ECEL1: variants seen among roughly 807,000 people sequenced by gnomAD.
ECEL1 encodes endothelin-converting enzyme-like 1.
Under a neutral mutation model 101.8 loss-of-function variants are expected in ECEL1, and 87 were observed. The observed-to-expected ratio is 0.85, with a 90% CI of 0.72 to 1.02. ECEL1 has a LOEUF of 1.02. Among genes scored for constraint, ECEL1 ranks in the 50% least tolerant of loss-of-function variants. The pLI is 0.00. For synonymous variants in ECEL1, 487 were observed against 468.7 expected (o/e 1.04, Z -0.50); for missense variants, 1,032 against 1,079.2 (o/e 0.96, Z 0.61).
Position 232,480,195 on chromosome 2 carries a change from C to A in ECEL1, c.2286G>T (p.Lys762Asn), listed in dbSNP as rs939661409. 6.8e-6 allele frequency: 11 copies of A among 1,613,926 alleles called. No individual in the cohort carries two copies. The highest frequency in any genetic ancestry group is 1.3e-5 in the African/African-American group (1 of 74,908). ...EEFGRAFHCP[K>N]DSPMNPAHKC... is the part of the protein sequence containing the mutation. Reference sequence around the variant, plus strand: ...TGTGGGCAGGGTTCATGGGTGAGTCCTTGGGACAGTGGAAAGCCCGGCCAA... The same window carrying A: ...TGTGGGCAGGGTTCATGGGTGAGTCATTGGGACAGTGGAAAGCCCGGCCAA... The change falls in exon 18 of 18, where the codon AAG (lysine) becomes AAT (asparagine). Residue 762 changes from lysine (K) to asparagine (N), a missense_variant. Lys to Asn is a moderately conservative substitution (Grantham distance 94, BLOSUM62 0). Coordinates refer to ENST00000304546, the MANE Select transcript of ECEL1 (RefSeq NM_004826.4).
rs767234051 is a variant in ECEL1 at position 232,483,999 on chromosome 2, A to C, written c.1407+2T>G. On this transcript the variant is annotated splice_donor_variant, in intron 7 of 17. Transcript: ENST00000304546. LOFTEE classifies it high-confidence loss of function. ...CTCCTCTCTCAAACAAGGGCAACCC[A>C]CCTTGGCTTTGCTGGCAGCTGAGAA... is the stretch of plus-strand genomic sequence containing the variant. 9 of 1,600,030 alleles carry C rather than the reference A, an allele frequency of 5.6e-6. No homozygotes were observed. The African/African-American group carries it at 1.2e-4, about 21-fold the overall frequency.
At position 232,483,523 on chromosome 2, in the gene ECEL1, T is replaced by TCAGGGGTCAGGGAG; in HGVS notation, c.1408-23_1408-10dup. 6.3e-7 allele frequency: 1 copy of TCAGGGGTCAGGGAG among 1,596,948 alleles called. No individual in the cohort carries two copies. Among genetic ancestry groups the TCAGGGGTCAGGGAG allele is most frequent in the Non-Finnish European group, 8.5e-7 (1 of 1,174,262 alleles). On this transcript the variant is annotated splice_polypyrimidine_tract_variant and intron_variant, in intron 7 of 17. Coordinates refer to ENST00000304546, the MANE Select transcript of ECEL1 (RefSeq NM_004826.4). The stretch of plus-strand genomic sequence containing the variant: ...TCCACTAGCTGCTGCACCTGCAGGG[T>TCAGGGGTCAGGGAG]CAGGGGTCAGGGAGCAAGGGTCAAC...
chr2:232,485,379 C>A, intron 2 of ECEL1, 112 bp from the exon 3 acceptor site: 1 of 1,227,080 alleles, frequency 8.1e-7, no homozygotes. Context: ...TGAGTACAGC[C>A]ACAGAAGCAC....
Position 232,486,279 on chromosome 2 carries a change from G to A in ECEL1, c.375C>T (p.Asp125=). 6.3e-7 allele frequency: 1 copy of A among 1,599,376 alleles called. No homozygotes were observed. The highest frequency in any genetic ancestry group is 1.1e-5 in the South Asian group (1 of 90,222). Residue 125 remains aspartate, a synonymous_variant, in exon 2 of 18, where the codon GAC becomes GAT. Transcript: ENST00000304546. ...NLDASIDPCQ[D]FYSFACGGWL... ...AACCGCCGCAGGCGAACGAGTAGAA[G>A]TCCTGGCATGGGTCGATGCTGGCGT...
rs182413840 is a variant in ECEL1, at chr2:232,486,934, C to A, written c.-101-180G>T. ...ACCCCCGGGTGCACAGTGGAGTCTTCCCCCCTGTCCCCTCCCTGCACACAC... is the reference window on the plus strand; with the variant it reads ...ACCCCCGGGTGCACAGTGGAGTCTTACCCCCTGTCCCCTCCCTGCACACAC... On this transcript the variant is annotated intron_variant, in intron 1 of 17. Transcript: ENST00000304546. Among the ~76,000 whole-genome samples, 2,229 of 152,220 alleles carry A rather than the reference C, an allele frequency of 0.015. 19 individuals are homozygous for A. Among genetic ancestry groups the A allele is most frequent in the Middle Eastern group, 0.034 (10 of 294 alleles).
At chr2:232,485,385 A>G in intron 2 of ECEL1, 118 bp from the exon 3 acceptor site, 3 of 1,160,734 alleles carry the variant, frequency 2.6e-6, no homozygotes, top group South Asian at 1.4e-5. Flanking sequence ...CAGCCACAGA[A>G]GCACGCAGAC....
intron 12 of ECEL1, 70 bp from the exon 13 acceptor site, chr2:232,481,919 C>A: frequency 6.3e-7 from 1 of 1,597,110 alleles, no homozygotes; most frequent in Non-Finnish European, 8.6e-7. Flanking sequence ...CTGCCCAGGC[C>A]CCAGATGTCC....
Position 232,481,641 on chromosome 2 carries a change from T to G in ECEL1, c.1865-11A>C. The G allele has an allele frequency of 6.2e-7, 1 of 1,613,066 alleles. No individual in the cohort carries two copies. Among genetic ancestry groups the G allele is most frequent in the Non-Finnish European group, 8.5e-7 (1 of 1,179,638 alleles). On this transcript the variant is annotated splice_polypyrimidine_tract_variant and intron_variant, in intron 13 of 17. Transcript: ENST00000304546. Reference sequence around the variant, plus strand: ...GGTCATACTGGCCCCCTGTGGGCAGTGCAGCAGGCTGAGACCCACCCTCAC... The same window carrying G: ...GGTCATACTGGCCCCCTGTGGGCAGGGCAGCAGGCTGAGACCCACCCTCAC...
chr2:232,482,602 C>A lies in ECEL1; in HGVS notation c.1692G>T (p.Leu564=). 6.2e-7 allele frequency: 1 copy of A among 1,611,816 alleles called. No individual in the cohort carries two copies. Among genetic ancestry groups the A allele is most frequent in the Non-Finnish European group, 8.5e-7 (1 of 1,178,968 alleles). The change falls in exon 11 of 18, where the codon CTG becomes CTT. Residue 564 remains leucine (L), a synonymous_variant. Coordinates refer to ENST00000304546, the MANE Select transcript of ECEL1 (RefSeq NM_004826.4). ...IRQEVDKSTW[L]LPPQALNAYY... ...AGGCATTGAGCGCCTGTGGGGGGAG[C>A]AGCCACCTGTGGAGGGATGCTGGGG...
At position 232,479,994 on chromosome 2, in the gene ECEL1, C is replaced by T; in HGVS notation, c.*159G>A. Reference sequence around the variant, plus strand: ...GTCCAGCCTCACCCTGCTCCAGGCCCCTCCTGAAGTGAGGGGCAGCAGGGG... The same window carrying T: ...GTCCAGCCTCACCCTGCTCCAGGCCTCTCCTGAAGTGAGGGGCAGCAGGGG... On this transcript the variant is annotated 3_prime_UTR_variant, in exon 18 of 18. Transcript: ENST00000304546. 2 of 667,686 alleles carry T rather than the reference C, an allele frequency of 3.0e-6. No homozygotes were observed. Among genetic ancestry groups the T allele is most frequent in the East Asian group, 2.7e-5 (1 of 36,922 alleles). The allele number at this position is 667,686 out of a possible 1,614,324, so 41.4% of individuals were successfully genotyped here.
chr2:232,484,417 G>A, intron 6 of ECEL1, 55 bp downstream of exon 6: 1 of 1,604,922 alleles, frequency 6.2e-7, no homozygotes, highest in South Asian at 1.1e-5. Flanking sequence ...GGTCCAGGGT[G>A]CAGGGGAAGG....
At chr2:232,485,356 A>C in intron 2 of ECEL1, 89 bp from the exon 3 acceptor site, 4 of 1,447,210 alleles carry the variant, frequency 2.8e-6, no homozygotes, top group Non-Finnish European at 3.8e-6. Flanking sequence ...CCCAGAGAGC[A>C]ACCAGACATC....
intron 5 of ECEL1, 31 bp from the exon 6 acceptor site, chr2:232,484,627 T>A (rs2106185299): frequency 1.9e-6 from 3 of 1,611,874 alleles, no homozygotes; most frequent in Middle Eastern, 1.7e-4. Flanking sequence ...ACAGTGAGGC[T>A]AGGGTTGGCA....
At chr2:232,485,446 T>C (rs1443984684) in intron 2 of ECEL1, among the ~76,000 whole-genome samples, 179 bp from the exon 3 acceptor site, 1 of 152,344 alleles carries the variant, frequency 6.6e-6, no homozygotes, top group East Asian at 1.9e-4. Flanking sequence ...CATCCCTGAC[T>C]GTCCCAGCCT....
Position 232,486,208 on chromosome 2 carries a change from G to A in ECEL1, c.446C>T (p.Thr149Ile). ...AIPDDKLTYG[T>I]IAAIGEQNEE... ...GTTTTGCTCGCCGATGGCCGCGATG[G>A]TGCCATAGGTGAGCTTGTCGTCGGG... The change falls in exon 2 of 18, where the codon ACC becomes ATC. Residue 149 changes from threonine (T) to isoleucine (I), a missense_variant. Thr to Ile is a moderately conservative substitution (Grantham distance 89, BLOSUM62 -1). Transcript: ENST00000304546. 6.2e-7 allele frequency: 1 copy of A among 1,600,152 alleles called. No individual in the cohort carries two copies. The highest frequency in any genetic ancestry group is 8.5e-7 in the Non-Finnish European group (1 of 1,178,112).
chr2:232,484,546 C>A lies in ECEL1; in HGVS notation c.1110G>T (p.Glu370Asp). 2 of 1,613,962 alleles carry A rather than the reference C, an allele frequency of 1.2e-6. No homozygotes were observed. Among genetic ancestry groups the A allele is most frequent in the African/African-American group, 2.7e-5 (2 of 75,052 alleles). ...LDQIFQEDFS[E>D]EEEVVLLATD... The stretch of plus-strand genomic sequence containing the variant: ...TCGCCAGCAGCACCACCTCCTCTTC[C>A]TCTGAGAAGTCCTCCTGGAAGATCT... The change falls in exon 6 of 18, where the codon GAG (glutamate) becomes GAT (aspartate). Residue 370 changes from glutamate (E) to aspartate (D), a missense_variant. Physicochemically the swap from Glu to Asp is conservative, Grantham distance 45 (BLOSUM62 2). Transcript: ENST00000304546.
intron 15 of ECEL1, 136 bp from the exon 16 acceptor site, chr2:232,480,949 G>A (rs985020629): frequency 1.7e-5 from 23 of 1,345,306 alleles, no homozygotes; most frequent in Middle Eastern, 3.6e-4. Flanking sequence ...CCAGTGGACC[G>A]TGGCCCCAGC....
In ECEL1 at chr2:232,481,139, CGT is replaced by C. The variant is rs1690567158; in HGVS notation, c.2005_2006del (p.Thr669AlafsTer39). 6.4e-6 allele frequency: 10 copies of C among 1,568,150 alleles called. No homozygotes were observed. The highest frequency in any genetic ancestry group is 8.6e-6 in the Non-Finnish European group (10 of 1,156,300). Reference sequence around the variant, plus strand: ...CCATATCTGCGATGTTCTCCCCAAGCGTGTGTTTCCCGTTCACCTGCCGGGAA... The same window carrying C: ...CCATATCTGCGATGTTCTCCCCAAGCGTGTTTCCCGTTCACCTGCCGGGAA... ...VYNQRVNGKH[T>X]LGENIADMGG... On this transcript the variant is annotated frameshift_variant, in exon 15 of 18. Transcript: ENST00000304546. LOFTEE classifies it high-confidence loss of function.
Position 232,484,492 on chromosome 2 carries a change from G to A in ECEL1, c.1164C>T (p.Leu388=). The part of the protein sequence containing the change: ...ATDYMQQVSQ[L]IRSTPHRVLH... ...CATACCGGTGGGGTGTGGAGCGGAT[G>A]AGCTGCGACACCTGCTGCATGTAGT... is the stretch of plus-strand genomic sequence containing the variant. Residue 388 remains leucine, a synonymous_variant, in exon 6 of 18, where the codon CTC becomes CTT. Transcript: ENST00000304546. 6.2e-7 allele frequency: 1 copy of A among 1,613,912 alleles called. No homozygotes were observed.
Sources: allele counts gnomAD v4.1 joint callset (sites outside exome capture counted in the v4.1 genomes callset), GRCh38; gene constraint gnomAD v4.1.1; transcripts MANE v1.5; gene names NCBI Gene and HGNC (gene_info 2026-07-23, HGNC 2026-07-21).